Variants in MVB12B observed in about 807,000 individuals in gnomAD.
The protein encoded by MVB12B is ESCRT-I complex subunit MVB12B.
MVB12B carries 16 observed loss-of-function variants against 41.6 expected under a neutral mutation model. The ratio of observed to expected loss-of-function variants is 0.38; its 90% CI spans 0.26 to 0.58. MVB12B has a LOEUF of 0.58. Among genes scored for constraint, MVB12B ranks in the 20% least tolerant of loss-of-function variants. The probability of loss-of-function intolerance (pLI) is 0.62; values close to 1 mark genes in which losing one functional copy is unlikely to be tolerated. For synonymous variants in MVB12B, 133 were observed against 139.7 expected (o/e 0.95, Z 0.34); for missense variants, 274 against 380.2 (o/e 0.72, Z 2.32).
intron 1 of MVB12B, among the ~76,000 whole-genome samples, chr9:126,335,960 T>C (rs1015283905): frequency 5.9e-5 from 9 of 152,256 alleles, no homozygotes; most frequent in Non-Finnish European, 1.2e-4. Context: ...CAGTCATGCC[T>C]TCAGCCCTGA....
intron 7 of MVB12B, among the ~76,000 whole-genome samples, chr9:126,474,918 G>A (rs1023342794): frequency 3.3e-5 from 5 of 152,148 alleles, no homozygotes; most frequent in Non-Finnish European, 7.4e-5. Context: ...GGCTCTGAGC[G>A]CCCCACTCAA....
At chr9:126,365,505 G>A (rs1360416574) in intron 2 of MVB12B, among the ~76,000 whole-genome samples, 1 of 151,410 alleles carries the variant, frequency 6.6e-6, no homozygotes, top group Admixed American at 6.6e-5. Flanking sequence ...GATAATTTTT[G>A]TATTTTTTGT....
At chr9:126,410,175 ACGCATGCACG>A (rs754508910) in intron 6 of MVB12B, among the ~76,000 whole-genome samples, 34 of 108,960 alleles carry the variant, frequency 3.1e-4, no homozygotes, top group Middle Eastern at 5.1e-3. Flanking sequence ...GTGTGTGTGC[ACGCATGCACG>A]CGCATGCATG....
At chr9:126,494,896 CAA>C (rs1343295082) in intron 9 of MVB12B, among the ~76,000 whole-genome samples, 2 of 151,494 alleles carry the variant, frequency 1.3e-5, no homozygotes, top group East Asian at 3.9e-4. Flanking sequence ...TTGCAGACAC[CAA>C]AATAGCATTT....
rs1829248768 is a variant in MVB12B at position 126,335,487 on chromosome 9, C to G, written c.82-5021C>G. On this transcript the variant is annotated intron_variant, in intron 1 of 9. Transcript: ENST00000361171. ...CATTGGTGAGGCCTGGCCACAGGTT[C>G]CCTCCTTGGGGACAGGCAGTCCCTT... 42 of 1,043,306 alleles carry G rather than the reference C, an allele frequency of 4.0e-5. No homozygotes were observed. In the South Asian group the frequency reaches 4.9e-4, roughly 12 times the overall value. The allele number at this position is 1,043,306 out of a possible 1,614,324, so 64.6% of individuals were successfully genotyped here. A position where few individuals can be genotyped will look rare whatever the true frequency, so the allele number is the denominator to read the frequency against.
chr9:126,355,723 G>A (rs1258084337), intron 2 of MVB12B, among the ~76,000 whole-genome samples: 3 of 152,182 alleles, frequency 2.0e-5, no homozygotes, highest in Non-Finnish European at 4.4e-5. Context: ...ATAGCCCACT[G>A]TTTCAGTGAT....
At chr9:126,420,175 C>T (rs1003668479) in intron 6 of MVB12B, among the ~76,000 whole-genome samples, 19 of 152,208 alleles carry the variant, frequency 1.2e-4, no homozygotes, top group South Asian at 2.1e-4. Flanking sequence ...TCTTGTTCTC[C>T]GAGCACATGT....
chr9:126,487,744 G>A (rs1320592766), intron 9 of MVB12B, among the ~76,000 whole-genome samples: 2 of 145,602 alleles, frequency 1.4e-5, no homozygotes, highest in East Asian at 4.2e-4. Context: ...TCCGGCCTGG[G>A]CCACAGGGCG....
intron 2 of MVB12B, among the ~76,000 whole-genome samples, chr9:126,374,429 A>G (rs1377630037): frequency 6.6e-6 from 1 of 152,192 alleles, no homozygotes; most frequent in African/African-American, 2.4e-5. Context: ...TGGGCTGTTC[A>G]GGGCTTCCTG....
At chr9:126,427,648 T>A (rs1832218746) in intron 7 of MVB12B, among the ~76,000 whole-genome samples, 1 of 152,162 alleles carries the variant, frequency 6.6e-6, no homozygotes, top group South Asian at 2.1e-4. Flanking sequence ...CATAGTAAAA[T>A]TAAGCAAATA....
chr9:126,410,373 G>A (rs984684541), intron 6 of MVB12B, among the ~76,000 whole-genome samples: 1 of 152,192 alleles, frequency 6.6e-6, no homozygotes, highest in African/African-American at 2.4e-5. Flanking sequence ...GAAAGAGCAT[G>A]AACGCACATC....
At position 126,499,597 on chromosome 9, in the gene MVB12B, G is replaced by A. The variant is rs558588700; in HGVS notation, c.874-3580G>A. On this transcript the variant is annotated intron_variant, in intron 9 of 9. Coordinates refer to ENST00000361171, the MANE Select transcript of MVB12B (RefSeq NM_033446.3). ...GCTTCCAGAAGCGGCCCCGTCTCCT[G>A]GGTAAACACGGCGGGAGGAGCGGGC... Among the ~76,000 whole-genome samples the A allele has an allele frequency of 2.0e-5, 3 of 152,302 alleles. No individual in the cohort carries two copies. In the East Asian group the frequency reaches 5.8e-4, roughly 30 times the overall value.
intron 1 of MVB12B, among the ~76,000 whole-genome samples, chr9:126,331,440 C>T (rs530061672): frequency 1.3e-5 from 2 of 152,066 alleles, no homozygotes; most frequent in Non-Finnish European, 2.9e-5. Context: ...TATTCAAGTC[C>T]TTTGCCCATT....
rs998571413 is a variant in MVB12B at position 126,427,333 on chromosome 9, G to C, written c.757+5385G>C. ...TGGGTGTCAGGCACCTTATGGGACT[G>C]GAGACCTCGGGGAATGTCAGGAAAG... is the stretch of plus-strand genomic sequence containing the variant. On this transcript the variant is annotated intron_variant, in intron 7 of 9. Coordinates refer to ENST00000361171, the MANE Select transcript of MVB12B (RefSeq NM_033446.3). Among the ~76,000 whole-genome samples the C allele has an allele frequency of 2.6e-5, 4 of 152,202 alleles. No homozygotes were observed. The East Asian group carries it at 5.8e-4, about 22-fold the overall frequency.
rs555385284 is a variant in MVB12B at position 126,335,477 on chromosome 9, G to A, written c.82-5031G>A. On this transcript the variant is annotated intron_variant, in intron 1 of 9. Coordinates refer to ENST00000361171, the MANE Select transcript of MVB12B (RefSeq NM_033446.3). ...GTGTGGTGTGCATTGGTGAGGCCTG[G>A]CCACAGGTTCCCTCCTTGGGGACAG... 8 of 1,126,516 alleles carry A rather than the reference G, an allele frequency of 7.1e-6. 1 individual carries two copies. The South Asian group carries it at 1.0e-4, about 15-fold the overall frequency. 69.8% of individuals were successfully genotyped at this position (1,126,516 alleles called of 1,614,324 possible). A position where few individuals can be genotyped will look rare whatever the true frequency, so the allele number is the denominator to read the frequency against.
intron 9 of MVB12B, among the ~76,000 whole-genome samples, chr9:126,501,597 T>C (rs12380523): frequency 0.28 from 43,241 of 152,182 alleles, 7,958 homozygotes; most frequent in African/African-American, 0.52. Flanking sequence ...TGCTGGGCTT[T>C]GGCTGTGGAC....
In MVB12B at chr9:126,371,923, C is replaced by A. The variant is rs547304579; in HGVS notation, c.205-9141C>A. Among the ~76,000 whole-genome samples the A allele has an allele frequency of 5.9e-5, 9 of 152,256 alleles. No individual in the cohort carries two copies. The South Asian group carries it at 1.9e-3, about 32-fold the overall frequency. On this transcript the variant is annotated intron_variant, in intron 2 of 9. Transcript: ENST00000361171. ...ACAAAGTTCACTTTTTAAGAGTGTACAATCCATTGGTTTTTAGTATAGCCA... is the reference window on the plus strand; with the variant it reads ...ACAAAGTTCACTTTTTAAGAGTGTAAAATCCATTGGTTTTTAGTATAGCCA...
Position 126,367,402 on chromosome 9 carries a change from G to A in MVB12B, c.205-13662G>A, listed in dbSNP as rs1209245920. On this transcript the variant is annotated intron_variant, in intron 2 of 9. Coordinates refer to ENST00000361171, the MANE Select transcript of MVB12B (RefSeq NM_033446.3). The surrounding 1 kb of genome is among the most constrained non-coding windows in gnomAD (Gnocchi z 4.3). Reference sequence around the variant, plus strand: ...TGGCCAGTGGTCCAGCCAACCCCACGCTTCCCACATGTGCCGGGGAGGACC... The same window carrying A: ...TGGCCAGTGGTCCAGCCAACCCCACACTTCCCACATGTGCCGGGGAGGACC... Among the ~76,000 whole-genome samples the A allele has an allele frequency of 2.0e-5, 3 of 152,030 alleles. No individual in the cohort carries two copies. The highest frequency in any genetic ancestry group is 6.5e-5 in the Admixed American group (1 of 15,268).
chr9:126,361,525 TTTTGTGTAGATCTGCA>T (rs914963542), intron 2 of MVB12B, among the ~76,000 whole-genome samples: 2 of 152,166 alleles, frequency 1.3e-5, no homozygotes, highest in African/African-American at 2.4e-5. Flanking sequence ...CTCTTCATTG[TTTTGTGTAGATCTGCA>T]TTTGTGTAGA....
Sources: allele counts gnomAD v4.1 joint callset (sites outside exome capture counted in the v4.1 genomes callset), GRCh38; gene constraint gnomAD v4.1.1; non-coding constraint Gnocchi (gnomAD v3.1); transcripts MANE v1.5; gene names NCBI Gene and HGNC (gene_info 2026-07-23, HGNC 2026-07-21).